The following CCDC18 variants were observed in gnomAD, a reference collection of about 807,000 sequenced individuals.
The protein encoded by CCDC18 is coiled-coil domain-containing protein 18.
Under a neutral mutation model 196.0 loss-of-function variants are expected in CCDC18, and 157 were observed. That is an observed-to-expected ratio of 0.80 (90% CI 0.70 to 0.91). The LOEUF is 0.91. Ranked by LOEUF, CCDC18 falls within the 40% of genes least tolerant of loss-of-function variation. CCDC18 has a pLI of 0.00. For synonymous variants in CCDC18, 482 were observed against 529.2 expected, an observed-to-expected ratio of 0.91 and a Z score of 1.22; for missense variants, 1,465 against 1,611.6, an observed-to-expected ratio of 0.91 and a Z score of 1.56.
At chr1:93,180,463 TCA>T, upstream of CCDC18, 2 of 1,431,364 alleles carry the variant, frequency 1.4e-6, no homozygotes, top group South Asian at 1.3e-5. Context: ...CGCAACCGCC[TCA>T]GTCTCGGCCC....
intron 4 of CCDC18, among the ~76,000 whole-genome samples, chr1:93,189,514 A>G (rs1014770368): frequency 6.6e-6 from 1 of 152,128 alleles, no homozygotes; most frequent in Admixed American, 6.6e-5. Flanking sequence ...ATCATATGGT[A>G]GCTGTATTTT....
At chr1:93,242,570 C>T (rs1660958531) in intron 21 of CCDC18, among the ~76,000 whole-genome samples, 1 of 152,188 alleles carries the variant, frequency 6.6e-6, no homozygotes, top group African/African-American at 2.4e-5. Flanking sequence ...ACAAATTATG[C>T]CTTCCCAACA....
At position 93,214,752 on chromosome 1, in the gene CCDC18, TA is replaced by T; in HGVS notation, c.1509del (p.Asp504IlefsTer7). On this transcript the variant is annotated frameshift_variant, in exon 12 of 29. Coordinates refer to ENST00000690025, the MANE Select transcript of CCDC18 (RefSeq NM_001378204.1). LOFTEE classifies it high-confidence loss of function. ...CTTTTATGTTTATTAGCAGAAAGCGTAAAAGATCAAAATCAACATACTATGA... is the reference window on the plus strand; with the variant it reads ...CTTTTATGTTTATTAGCAGAAAGCGTAAAGATCAAAATCAACATACTATGA... ...KLGGHQVAES[V>X]KDQNQHTMNK... The T allele has an allele frequency of 6.2e-7, 1 of 1,610,102 alleles. No individual in the cohort carries two copies. The highest frequency in any genetic ancestry group is 8.5e-7 in the Non-Finnish European group (1 of 1,178,564).
At chr1:93,195,650 G>A (rs1205516261) in intron 6 of CCDC18, among the ~76,000 whole-genome samples, 1 of 152,134 alleles carries the variant, frequency 6.6e-6, no homozygotes, top group Non-Finnish European at 1.5e-5. Flanking sequence ...GACAGAGGGA[G>A]TTTGTTCCTT....
At chr1:93,228,991 C>T (rs186659374) in intron 17 of CCDC18, among the ~76,000 whole-genome samples, 2 of 152,004 alleles carry the variant, frequency 1.3e-5, no homozygotes, top group East Asian at 1.9e-4. Flanking sequence ...GGTGCAATCT[C>T]GGCTCACTAC....
In CCDC18 at chr1:93,270,812, C is replaced by G. The variant is rs907604790; in HGVS notation, c.4351C>G (p.Gln1451Glu). Residue 1451 changes from glutamine to glutamate, a missense_variant and splice_region_variant, in exon 28 of 29, where the codon CAG becomes GAG. Physicochemically the swap from Gln to Glu is conservative, Grantham distance 29. Coordinates refer to ENST00000690025, the MANE Select transcript of CCDC18 (RefSeq NM_001378204.1). Reference sequence around the variant, plus strand: ...TATGCAAACAGGTGCTGGTTTAAATCAGGTATGTATTTTATACACTGTAAA... The same window carrying G: ...TATGCAAACAGGTGCTGGTTTAAATGAGGTATGTATTTTATACACTGTAAA... ...SSMQTGAGLN[Q>E]GENV is the part of the protein sequence containing the mutation. 2 of 1,522,274 alleles carry G rather than the reference C, an allele frequency of 1.3e-6. No homozygotes were observed. Among genetic ancestry groups the G allele is most frequent in the Non-Finnish European group, 1.8e-6 (2 of 1,133,626 alleles). The allele number at this position is 1,522,274 out of a possible 1,614,324, so 94.3% of individuals were successfully genotyped here. A position where few individuals can be genotyped will look rare whatever the true frequency, so the allele number is the denominator to read the frequency against.
rs868706870 is a variant in CCDC18, at chr1:93,207,380, G to T, written c.1191G>T (p.Lys397Asn). ...GGGTAGAACTAAGAAGTTTGGAAAA[G>T]ATTATATCCCAGTTGCCAGTAAGTA... The part of the protein sequence containing the change: ...SSRVELRSLE[K>N]IISQLPLKRE... Residue 397 changes from lysine to asparagine, a missense_variant, in exon 9 of 29, where the codon AAG (lysine) becomes AAT (asparagine). Physicochemically the swap from Lys to Asn is moderately conservative, Grantham distance 94. Transcript: ENST00000690025. The T allele has an allele frequency of 1.9e-6, 3 of 1,594,090 alleles. No homozygotes were observed. In the African/African-American group the frequency reaches 4.0e-5, roughly 22 times the overall value.
At chr1:93,232,100 G>A (rs947999911) in intron 17 of CCDC18, among the ~76,000 whole-genome samples, 1 of 152,156 alleles carries the variant, frequency 6.6e-6, no homozygotes, top group African/African-American at 2.4e-5. Flanking sequence ...ACAATGACCA[G>A]CCTACAAGTA....
intron 17 of CCDC18, among the ~76,000 whole-genome samples, chr1:93,230,352 CGTG>C (rs1659048545): frequency 6.6e-6 from 1 of 150,986 alleles, no homozygotes; most frequent in Admixed American, 6.6e-5. Flanking sequence ...ATTAGCCGGG[CGTG>C]GTGGTGGGCG....
At chr1:93,255,456 CACG>C (rs1410775307) in intron 24 of CCDC18, among the ~76,000 whole-genome samples, 3 of 152,128 alleles carry the variant, frequency 2.0e-5, no homozygotes, top group Non-Finnish European at 4.4e-5. Context: ...TAGGGTCAGG[CACG>C]ATGACTCACA....
chr1:93,238,698 G>C (rs1660371275), intron 19 of CCDC18, among the ~76,000 whole-genome samples: 1 of 152,134 alleles, frequency 6.6e-6, no homozygotes, highest in South Asian at 2.1e-4. Context: ...GTCTGTAGGG[G>C]AGCTGCCGTA....
chr1:93,248,133 G>A (rs1369212383), intron 23 of CCDC18, among the ~76,000 whole-genome samples: 1 of 147,226 alleles, frequency 6.8e-6, no homozygotes, highest in East Asian at 2.1e-4. Context: ...CTCTGCCTCA[G>A]CCTCCCCAGT....
intron 24 of CCDC18, among the ~76,000 whole-genome samples, 184 bp from the exon 25 acceptor site, chr1:93,256,150 AT>A (rs1216697367): frequency 6.6e-6 from 1 of 151,814 alleles, no homozygotes; most frequent in African/African-American, 2.4e-5. Context: ...TTCTCATTAG[AT>A]TTTTTTCTTG....
At chr1:93,220,824 C>G (rs1026550739) in intron 14 of CCDC18, among the ~76,000 whole-genome samples, 3 of 152,264 alleles carry the variant, frequency 2.0e-5, no homozygotes, top group Middle Eastern at 6.8e-3. Context: ...TGTTCCTCCC[C>G]ATGTCTTCGT....
At chr1:93,275,605 T>A (rs1470169310) in intron 28 of CCDC18, among the ~76,000 whole-genome samples, 2 of 152,142 alleles carry the variant, frequency 1.3e-5, no homozygotes, top group African/African-American at 4.8e-5. Flanking sequence ...TCAAAGGTAG[T>A]TTATCTGATT....
At chr1:93,204,524 A>G (rs1408905091) in intron 7 of CCDC18, among the ~76,000 whole-genome samples, 3 of 152,162 alleles carry the variant, frequency 2.0e-5, no homozygotes, top group African/African-American at 7.2e-5. Flanking sequence ...TGATGAGTTA[A>G]TAAAAGGAAG....
At chr1:93,226,936 AAT>A (rs1173356732) in intron 17 of CCDC18, among the ~76,000 whole-genome samples, 1 of 152,186 alleles carries the variant, frequency 6.6e-6, no homozygotes, top group Non-Finnish European at 1.5e-5. Flanking sequence ...TGCAAAATAG[AAT>A]ATACCTTAAA....
Position 93,193,611 on chromosome 1 carries a change from T to C in CCDC18, c.570-5T>C. On this transcript the variant is annotated splice_region_variant and splice_polypyrimidine_tract_variant and intron_variant, in intron 5 of 28. Coordinates refer to ENST00000690025, the MANE Select transcript of CCDC18 (RefSeq NM_001378204.1). ...GTCTTAAACAAAGTATCCTTTATTT[T>C]ATAGAGAGGCAGAAAATAAGCTGGA... is the stretch of plus-strand genomic sequence containing the variant. The C allele has an allele frequency of 6.4e-7, 1 of 1,569,774 alleles. No individual in the cohort carries two copies. The highest frequency in any genetic ancestry group is 8.6e-7 in the Non-Finnish European group (1 of 1,160,694).
chr1:93,216,660 T>C lies in CCDC18; in HGVS notation c.1744T>C (p.Leu582=). Residue 582 remains leucine, a synonymous_variant, in exon 13 of 29, where the codon TTA becomes CTA. Transcript: ENST00000690025. ...SEMTKKCSQL[L]TLEKQLEEKI... ...GATGACAAAGAAATGTTCTCAACTT[T>C]TAACTCTTGAGAAACAGCTGGAAGA... 1.9e-6 allele frequency: 3 copies of C among 1,569,302 alleles called. No homozygotes were observed. The highest frequency in any genetic ancestry group is 1.2e-5 in the South Asian group (1 of 83,910).
Sources: allele counts gnomAD v4.1 joint callset (sites outside exome capture counted in the v4.1 genomes callset), GRCh38; gene constraint gnomAD v4.1.1; transcripts MANE v1.5; gene names NCBI Gene and HGNC (gene_info 2026-07-23, HGNC 2026-07-21).